The following FRAS1 variants were observed in gnomAD, a reference collection of about 807,000 sequenced individuals.
FRAS1 encodes extracellular matrix organizing protein FRAS1.
Under a neutral mutation model 435.2 loss-of-function variants are expected in FRAS1, and 290 were observed. The observed-to-expected ratio is 0.67, with a 90% CI of 0.61 to 0.73. The LOEUF is 0.73. Among genes scored for constraint, FRAS1 ranks in the 30% least tolerant of loss-of-function variants. The pLI, the probability that FRAS1 is intolerant of heterozygous loss-of-function variation, is 0.00. For synonymous variants in FRAS1, 1,800 were observed against 1,851.0 expected (o/e 0.97, Z 0.71); for missense variants, 4,860 against 5,001.5 (o/e 0.97, Z 0.85).
intron 2 of FRAS1, among the ~76,000 whole-genome samples, chr4:78,095,670 AAG>A (rs1425467460): frequency 1.3e-5 from 2 of 152,228 alleles, no homozygotes; most frequent in East Asian, 1.9e-4. Flanking sequence ...AGCAGGCAAA[AAG>A]AGAGTTTGTG....
At chr4:78,316,132 C>A (rs1729236205) in intron 16 of FRAS1, among the ~76,000 whole-genome samples, 1 of 152,176 alleles carries the variant, frequency 6.6e-6, no homozygotes, top group Non-Finnish European at 1.5e-5. Context: ...AAAAGTTAAA[C>A]CAAGTTTGAT....
At chr4:78,063,192 G>T (rs1739835975) in intron 1 of FRAS1, among the ~76,000 whole-genome samples, 1 of 152,298 alleles carries the variant, frequency 6.6e-6, no homozygotes. Flanking sequence ...TTAGTGAAAA[G>T]ACCTCCACTC....
intron 3 of FRAS1, among the ~76,000 whole-genome samples, chr4:78,238,181 C>T (rs1724843188): frequency 6.6e-6 from 1 of 151,914 alleles, no homozygotes; most frequent in Admixed American, 6.6e-5. Flanking sequence ...GGAACATAAG[C>T]AAGTCTTTGA....
At chr4:78,485,116 C>T (rs1306504184) in intron 58 of FRAS1, among the ~76,000 whole-genome samples, 1 of 152,190 alleles carries the variant, frequency 6.6e-6, no homozygotes, top group Non-Finnish European at 1.5e-5. Flanking sequence ...TGGCCTTAGG[C>T]CAGAAGCTTA....
At chr4:78,219,684 C>T (rs1287484294) in intron 2 of FRAS1, among the ~76,000 whole-genome samples, 3 of 152,114 alleles carry the variant, frequency 2.0e-5, no homozygotes, top group Non-Finnish European at 2.9e-5. Flanking sequence ...GAGTTTTCTC[C>T]AGAGTTTACT....
At chr4:78,267,832 C>A (rs1461510147) in intron 9 of FRAS1, among the ~76,000 whole-genome samples, 1 of 152,248 alleles carries the variant, frequency 6.6e-6, no homozygotes, top group Non-Finnish European at 1.5e-5. Flanking sequence ...GTAGGCCCCA[C>A]TGACAGCATT....
At chr4:78,394,150 C>T (rs1732558380) in intron 29 of FRAS1, among the ~76,000 whole-genome samples, 1 of 151,864 alleles carries the variant, frequency 6.6e-6, no homozygotes, top group Non-Finnish European at 1.5e-5. Context: ...TATTTTCTCC[C>T]ATTCCATAGG....
chr4:78,111,795 G>T (rs553761108), intron 2 of FRAS1, among the ~76,000 whole-genome samples: 4 of 148,160 alleles, frequency 2.7e-5, no homozygotes, highest in Admixed American at 2.0e-4. Flanking sequence ...TGTCTGTTTT[G>T]CAACAATGTA....
chr4:78,068,695 T>A (rs1252396077), intron 2 of FRAS1: 9 of 389,174 alleles, frequency 2.3e-5, no homozygotes. Context: ...TAGGGGTGAG[T>A]CACTAAAAAA....
At chr4:78,071,234 G>A (rs542434408) in intron 2 of FRAS1, 27 of 152,312 alleles carry the variant, frequency 1.8e-4, no homozygotes, top group African/African-American at 6.3e-4. Context: ...TACATGCTGT[G>A]TGGTCTCAGA....
chr4:78,299,346 G>T lies in FRAS1; in HGVS notation c.1535-8720G>T, dbSNP rs1478275027. On this transcript the variant is annotated intron_variant, in intron 14 of 73. Transcript: ENST00000512123. ...GTGTAGTAAAAATATCTAACAAGCT[G>T]TATGGCACAGATGCACATCAGAGAG... Among the ~76,000 whole-genome samples, 3 of 152,258 alleles carry T rather than the reference G, an allele frequency of 2.0e-5. No homozygotes were observed. The East Asian group carries it at 5.8e-4, about 29-fold the overall frequency.
chr4:78,486,091 G>A (rs1720159837), intron 58 of FRAS1, among the ~76,000 whole-genome samples: 1 of 152,162 alleles, frequency 6.6e-6, no homozygotes, highest in Non-Finnish European at 1.5e-5. Context: ...AAGTCCTGTA[G>A]CTGCTACGGT....
intron 20 of FRAS1, among the ~76,000 whole-genome samples, chr4:78,346,845 G>C (rs754665178): frequency 4.6e-5 from 7 of 152,104 alleles, no homozygotes; most frequent in Non-Finnish European, 1.0e-4. Context: ...TTCCTGAGCT[G>C]ATCTCTCCAC....
At chr4:78,364,984 CT>C (rs970047442) in intron 22 of FRAS1, among the ~76,000 whole-genome samples, 5 of 151,732 alleles carry the variant, frequency 3.3e-5, no homozygotes, top group Non-Finnish European at 5.9e-5. Flanking sequence ...GCCTCAGTTT[CT>C]TTTTTTTGTA....
At position 78,286,406 on chromosome 4, in the gene FRAS1, C is replaced by T. The variant is rs1204385193; in HGVS notation, c.1401C>T (p.Ala467=). The T allele has an allele frequency of 1.2e-6, 2 of 1,613,452 alleles. No homozygotes were observed. The highest frequency in any genetic ancestry group is 1.7e-6 in the Non-Finnish European group (2 of 1,179,874). ...GFYQAGSLCL[A]CQPQCSTCTS... The stretch of plus-strand genomic sequence containing the variant: ...TTCTTCAACATTATCTGGAGTCAGC[C>T]TGCCAGCCCCAGTGCTCCACGTGTA... The change falls in exon 14 of 74, where the codon GCC becomes GCT. Residue 467 remains alanine, a splice_region_variant and synonymous_variant. Transcript: ENST00000512123.
intron 2 of FRAS1, among the ~76,000 whole-genome samples, chr4:78,198,325 C>G (rs1421439574): frequency 6.6e-6 from 1 of 152,216 alleles, no homozygotes; most frequent in African/African-American, 2.4e-5. Context: ...GTCCCGTGGG[C>G]ATACAGCCCA....
At chr4:78,397,847 G>A (rs1343288981) in intron 29 of FRAS1, among the ~76,000 whole-genome samples, 7 of 152,170 alleles carry the variant, frequency 4.6e-5, no homozygotes, top group Non-Finnish European at 1.0e-4. Flanking sequence ...TTCCTCTGTA[G>A]GAGAAATTAT....
At chr4:78,196,062 C>T (rs573147245) in intron 2 of FRAS1, among the ~76,000 whole-genome samples, 1 of 151,752 alleles carries the variant, frequency 6.6e-6, no homozygotes, top group Non-Finnish European at 1.5e-5. Context: ...GGCTGGAGTG[C>T]AGTGGCAAGA....
At chr4:78,279,803 C>T (rs550988342) in intron 10 of FRAS1, among the ~76,000 whole-genome samples, 1 of 152,224 alleles carries the variant, frequency 6.6e-6, no homozygotes, top group East Asian at 1.9e-4. Flanking sequence ...AAAACAACTG[C>T]TTCTTTGACC....
Sources: allele counts gnomAD v4.1 joint callset (sites outside exome capture counted in the v4.1 genomes callset), GRCh38; gene constraint gnomAD v4.1.1; transcripts MANE v1.5; gene names NCBI Gene and HGNC (gene_info 2026-07-23, HGNC 2026-07-21).